The following NRGN variants were observed in gnomAD, a reference collection of about 807,000 sequenced individuals.
NRGN encodes the protein calmodulin-binding protein.
For synonymous variants in NRGN, 47 were observed against 52.8 expected (o/e 0.89, Z 0.47); for missense variants, 82 against 123.0 (o/e 0.67, Z 1.58).
chr11:124,739,975 C>T lies in NRGN; in HGVS notation c.-110C>T. ...CCCGAGAGCAGAGCTGCTGTTTCGG[C>T]GCGGGTCGGCTGGCGGCCGACTGCC... On this transcript the variant is annotated 5_prime_UTR_variant, in exon 1 of 4. Transcript: ENST00000284292. The T allele has an allele frequency of 2.0e-6, 1 of 490,910 alleles. No homozygotes were observed. Among genetic ancestry groups the T allele is most frequent in the South Asian group, 4.7e-5 (1 of 21,250 alleles). The allele number at this position is 490,910 out of a possible 1,614,324, so 30.4% of individuals were successfully genotyped here.
At chr11:124,744,995 T>C (rs1943996727) in intron 1 of NRGN, 1 of 152,724 alleles carries the variant, frequency 6.5e-6, no homozygotes, top group African/African-American at 2.4e-5. Context: ...CCCCATCCTC[T>C]CCCTAATTCC....
rs893102582 is a variant in NRGN, at chr11:124,740,814, A to G, written c.15+715A>G. Reference sequence around the variant, plus strand: ...GCCCGAGGGGTTTGCTGTAAAGGTGACTCGGTATGAAAGCGCCTGGCATAG... The same window carrying G: ...GCCCGAGGGGTTTGCTGTAAAGGTGGCTCGGTATGAAAGCGCCTGGCATAG... On this transcript the variant is annotated intron_variant, in intron 1 of 3. Coordinates refer to ENST00000284292, the MANE Select transcript of NRGN (RefSeq NM_006176.3). The surrounding 1 kb of genome is among the most constrained non-coding windows in gnomAD (Gnocchi z 7.5). Among the ~76,000 whole-genome samples the G allele has an allele frequency of 2.0e-5, 3 of 152,236 alleles. No individual in the cohort carries two copies. The highest frequency in any genetic ancestry group is 7.2e-5 in the African/African-American group (3 of 41,464).
At position 124,745,336 on chromosome 11, in the gene NRGN, G is replaced by A. The variant is rs577626153; in HGVS notation, c.16-167G>A. On this transcript the variant is annotated intron_variant, in intron 1 of 3. Transcript: ENST00000284292. The surrounding 1 kb of genome is among the most constrained non-coding windows in gnomAD (Gnocchi z 6.4). ...ACCTTCTTCGCCTGTCGCTGCCCAT[G>A]CCCCAGTGAGTGTCCCTGCCATAGC... Among the ~76,000 whole-genome samples, 266 of 152,136 alleles carry A rather than the reference G, an allele frequency of 1.7e-3. No individual in the cohort carries two copies. Among genetic ancestry groups the A allele is most frequent in the Non-Finnish European group, 3.3e-3 (225 of 67,980 alleles).
intron 1 of NRGN, among the ~76,000 whole-genome samples, chr11:124,743,920 G>C (rs1351037497): frequency 9.5e-6 from 1 of 104,762 alleles, no homozygotes; most frequent in African/African-American, 4.4e-5. Flanking sequence ...AAAAGAAGGA[G>C]GCAAATTCCT....
At chr11:124,743,911 AAAG>A (rs199697624) in intron 1 of NRGN, among the ~76,000 whole-genome samples, 2 of 151,992 alleles carry the variant, frequency 1.3e-5, no homozygotes, top group South Asian at 2.1e-4. Context: ...AGAAAAAAAA[AAAG>A]AAGGAGGCAA....
At chr11:124,743,422 T>C (rs1390740716) in intron 1 of NRGN, among the ~76,000 whole-genome samples, 1 of 152,216 alleles carries the variant, frequency 6.6e-6, no homozygotes, top group Non-Finnish European at 1.5e-5. Context: ...CAAGAAAGAC[T>C]TGAGCTCTAA....
intron 1 of NRGN, among the ~76,000 whole-genome samples, chr11:124,743,686 G>A (rs1161042826): frequency 6.6e-6 from 1 of 152,074 alleles, no homozygotes; most frequent in Non-Finnish European, 1.5e-5. Context: ...CCGGGGCTTG[G>A]GCATCTGGAG....
Position 124,739,944 on chromosome 11 carries a change from A to G in NRGN, c.-141A>G. 1 of 435,938 alleles carries G rather than the reference A, an allele frequency of 2.3e-6. No individual in the cohort carries two copies. The highest frequency in any genetic ancestry group is 4.1e-6 in the Non-Finnish European group (1 of 245,322). 27.0% of individuals were successfully genotyped at this position (435,938 alleles called of 1,614,324 possible). The stretch of plus-strand genomic sequence containing the variant: ...TCGCGAGCGGAGCCGAGCGCGGGAG[A>G]CCGGACCCGAGAGCAGAGCTGCTGT... On this transcript the variant is annotated 5_prime_UTR_variant, in exon 1 of 4. Coordinates refer to ENST00000284292, the MANE Select transcript of NRGN (RefSeq NM_006176.3).
chr11:124,746,343 A>C (rs1004515809), intron 3 of NRGN, 61 bp from the exon 4 acceptor site: 2 of 152,088 alleles, frequency 1.3e-5, no homozygotes, highest in Admixed American at 1.3e-4. Flanking sequence ...GAAAGGGGGA[A>C]GGGTGGGGGG....
chr11:124,745,423 C>G lies in NRGN; in HGVS notation c.16-80C>G, dbSNP rs138585518. ...ACCCCCGCGTCGCCATAGTCCCTGT[C>G]CCTCAGGGCTCTATTCCTACCCCAC... is the stretch of plus-strand genomic sequence containing the variant. On this transcript the variant is annotated intron_variant, in intron 1 of 3. Coordinates refer to ENST00000284292, the MANE Select transcript of NRGN (RefSeq NM_006176.3). This position sits in a 1 kb window ranked among gnomAD's most constrained non-coding sequence, Gnocchi z 6.4. 2.8e-6 allele frequency: 3 copies of G among 1,069,330 alleles called. No homozygotes were observed. In the South Asian group the frequency reaches 4.9e-5, roughly 18 times the overall value. 66.2% of individuals were successfully genotyped at this position (1,069,330 alleles called of 1,614,324 possible).
Position 124,740,121 on chromosome 11 carries a change from AG to A in NRGN, c.15+26del. The A allele has an allele frequency of 7.9e-7, 1 of 1,269,378 alleles. No homozygotes were observed. Among genetic ancestry groups the A allele is most frequent in the South Asian group, 2.6e-5 (1 of 38,878 alleles). The allele number at this position is 1,269,378 out of a possible 1,614,324, so 78.6% of individuals were successfully genotyped here. A position where few individuals can be genotyped will look rare whatever the true frequency, so the allele number is the denominator to read the frequency against. Reference sequence around the variant, plus strand: ...CACCGTAAGTTAGAGGGCCCGGGGGAGGGGCACTTGGCGGGGTCCGCTGCGA... The same window carrying A: ...CACCGTAAGTTAGAGGGCCCGGGGGAGGGCACTTGGCGGGGTCCGCTGCGA... On this transcript the variant is annotated intron_variant, in intron 1 of 3. Coordinates refer to ENST00000284292, the MANE Select transcript of NRGN (RefSeq NM_006176.3). The surrounding 1 kb of genome is among the most constrained non-coding windows in gnomAD (Gnocchi z 7.5).
chr11:124,742,788 CATA>C (rs1943976496), intron 1 of NRGN, among the ~76,000 whole-genome samples: 1 of 152,172 alleles, frequency 6.6e-6, no homozygotes, highest in African/African-American at 2.4e-5. Context: ...CAGGGCCTGA[CATA>C]ATAACAAGCA....
In NRGN at chr11:124,740,144, G is replaced by T; in HGVS notation, c.15+45G>T. On this transcript the variant is annotated intron_variant, in intron 1 of 3. Coordinates refer to ENST00000284292, the MANE Select transcript of NRGN (RefSeq NM_006176.3). This position sits in a 1 kb window ranked among gnomAD's most constrained non-coding sequence, Gnocchi z 7.5. The stretch of plus-strand genomic sequence containing the variant: ...GGAGGGGCACTTGGCGGGGTCCGCT[G>T]CGAGAGGCGCCTGAGAAAGCCCTGG... 1 of 1,295,892 alleles carries T rather than the reference G, an allele frequency of 7.7e-7. No individual in the cohort carries two copies. 80.3% of individuals were successfully genotyped at this position (1,295,892 alleles called of 1,614,324 possible).
At chr11:124,742,215 C>T (rs1943971589) in intron 1 of NRGN, among the ~76,000 whole-genome samples, 1 of 152,098 alleles carries the variant, frequency 6.6e-6, no homozygotes, top group Non-Finnish European at 1.5e-5. Context: ...GGGCTGGACT[C>T]AGTGCTGGGA....
In NRGN at chr11:124,740,191, T is replaced by G; in HGVS notation, c.15+92T>G. The G allele has an allele frequency of 1.0e-6, 1 of 973,978 alleles. No homozygotes were observed. The highest frequency in any genetic ancestry group is 1.4e-6 in the Non-Finnish European group (1 of 732,060). 60.3% of individuals were successfully genotyped at this position (973,978 alleles called of 1,614,324 possible). A position where few individuals can be genotyped will look rare whatever the true frequency, so the allele number is the denominator to read the frequency against. On this transcript the variant is annotated intron_variant, in intron 1 of 3. Transcript: ENST00000284292. This position sits in a 1 kb window ranked among gnomAD's most constrained non-coding sequence, Gnocchi z 7.5. ...CTGGAGGGCGAGAGAGGGATGGAAGTGGATGCGGAAGACCTAGGAGCAGAA... is the reference window on the plus strand; with the variant it reads ...CTGGAGGGCGAGAGAGGGATGGAAGGGGATGCGGAAGACCTAGGAGCAGAA...
chr11:124,740,436 T>C lies in NRGN; in HGVS notation c.15+337T>C, dbSNP rs1943957979. Among the ~76,000 whole-genome samples, 1 of 152,092 alleles carries C rather than the reference T, an allele frequency of 6.6e-6. No individual in the cohort carries two copies. The highest frequency in any genetic ancestry group is 1.5e-5 in the Non-Finnish European group (1 of 68,010). ...CTCCCCAGTGAGACGCTGGCAACCA[T>C]CGCCTGGAGACACTGCAGCGACTCC... On this transcript the variant is annotated intron_variant, in intron 1 of 3. Transcript: ENST00000284292. This position sits in a 1 kb window ranked among gnomAD's most constrained non-coding sequence, Gnocchi z 7.5.
intron 1 of NRGN, among the ~76,000 whole-genome samples, chr11:124,742,280 CCTT>C (rs927927255): frequency 6.6e-6 from 1 of 152,074 alleles, no homozygotes; most frequent in African/African-American, 2.4e-5. Context: ...AGAGGCAGGT[CCTT>C]CTTCATCTTT....
At position 124,745,444 on chromosome 11, in the gene NRGN, C is replaced by A. The variant is rs1041509873; in HGVS notation, c.16-59C>A. The A allele has an allele frequency of 1.5e-6, 2 of 1,331,270 alleles. No individual in the cohort carries two copies. Among genetic ancestry groups the A allele is most frequent in the African/African-American group, 1.5e-5 (1 of 65,886 alleles). 82.5% of individuals were successfully genotyped at this position (1,331,270 alleles called of 1,614,324 possible). On this transcript the variant is annotated intron_variant, in intron 1 of 3. Transcript: ENST00000284292. The surrounding 1 kb of genome is among the most constrained non-coding windows in gnomAD (Gnocchi z 6.4). The stretch of plus-strand genomic sequence containing the variant: ...CTGTCCCTCAGGGCTCTATTCCTAC[C>A]CCACTCCCGCGGATCAAGACCCAGT...
At position 124,740,056 on chromosome 11, in the gene NRGN, GT is replaced by G; in HGVS notation, c.-28del. ...CCACCCCCGCCCTGCGCCAGCCTTC[GT>G]CCCCGCAGAGGACCCCCCGACACCA... On this transcript the variant is annotated 5_prime_UTR_variant, in exon 1 of 4. Transcript: ENST00000284292. The surrounding 1 kb of genome is among the most constrained non-coding windows in gnomAD (Gnocchi z 7.5). 1 of 1,287,030 alleles carries G rather than the reference GT, an allele frequency of 7.8e-7. No individual in the cohort carries two copies. Among genetic ancestry groups the G allele is most frequent in the Middle Eastern group, 2.7e-4 (1 of 3,648 alleles). 79.7% of individuals were successfully genotyped at this position (1,287,030 alleles called of 1,614,324 possible). A position where few individuals can be genotyped will look rare whatever the true frequency, so the allele number is the denominator to read the frequency against.
Sources: allele counts gnomAD v4.1 joint callset (sites outside exome capture counted in the v4.1 genomes callset), GRCh38; gene constraint gnomAD v4.1.1; non-coding constraint Gnocchi (gnomAD v3.1); transcripts MANE v1.5; gene names NCBI Gene and HGNC (gene_info 2026-07-23, HGNC 2026-07-21).